The following PRKCA variants were observed in gnomAD, a reference collection of about 807,000 sequenced individuals.
PRKCA encodes protein kinase C alpha type.
PRKCA carries 27 observed loss-of-function variants against 87.0 expected under a neutral mutation model. The observed-to-expected ratio is 0.31, with a 90% CI of 0.23 to 0.43. The LOEUF is 0.43. Among genes scored for constraint, PRKCA ranks in the 20% least tolerant of loss-of-function variants. PRKCA has a pLI of 1.00. For synonymous variants in PRKCA, 329 were observed against 311.1 expected (o/e 1.06, Z -0.61); for missense variants, 518 against 852.3 (o/e 0.61, Z 4.88).
At chr17:66,790,794 T>G (rs985779834) in intron 16 of PRKCA, among the ~76,000 whole-genome samples, 4 of 151,992 alleles carry the variant, frequency 2.6e-5, no homozygotes, top group Non-Finnish European at 4.4e-5. Context: ...TTGCATAGTC[T>G]CCCACATTTT....
rs372941177 is a variant in PRKCA at position 66,509,525 on chromosome 17, T to C, written c.288+13242T>C. ...CTCTCTTACTTGGAGGGAGAGGCAG[T>C]CTTTTTGTTCCATTCAGGCCTTCAA... is the stretch of plus-strand genomic sequence containing the variant. On this transcript the variant is annotated intron_variant, in intron 3 of 16. Coordinates refer to ENST00000413366, the MANE Select transcript of PRKCA (RefSeq NM_002737.3). Among the ~76,000 whole-genome samples the C allele has an allele frequency of 7.2e-5, 11 of 152,276 alleles. No homozygotes were observed. In the East Asian group the frequency reaches 1.5e-3, roughly 21 times the overall value.
chr17:66,481,267 A>G (rs1005827556), intron 2 of PRKCA, among the ~76,000 whole-genome samples: 1 of 152,050 alleles, frequency 6.6e-6, no homozygotes, highest in Non-Finnish European at 1.5e-5. Context: ...GTTGATCTTT[A>G]CAACCACCAG....
intron 10 of PRKCA, among the ~76,000 whole-genome samples, chr17:66,736,106 T>C (rs1359038704): frequency 6.6e-6 from 1 of 151,658 alleles, no homozygotes; most frequent in East Asian, 2.0e-4. Flanking sequence ...GGTCTTAAAC[T>C]CCTGAGCTCA....
intron 13 of PRKCA, among the ~76,000 whole-genome samples, chr17:66,756,447 C>T (rs964006927): frequency 6.6e-6 from 1 of 152,188 alleles, no homozygotes; most frequent in Non-Finnish European, 1.5e-5. Context: ...GCACACTTCC[C>T]CTCTCCACAC....
At chr17:66,551,787 A>C (rs1263429933) in intron 3 of PRKCA, among the ~76,000 whole-genome samples, 1 of 152,278 alleles carries the variant, frequency 6.6e-6, no homozygotes, top group East Asian at 1.9e-4. Context: ...ATATATATAT[A>C]TGAGAGAGAG....
chr17:66,679,435 C>T (rs1567972154), intron 5 of PRKCA, among the ~76,000 whole-genome samples: 1 of 152,166 alleles, frequency 6.6e-6, no homozygotes, highest in East Asian at 1.9e-4. Flanking sequence ...CCCGCCTTGG[C>T]CTCCCAGAGT....
intron 5 of PRKCA, among the ~76,000 whole-genome samples, chr17:66,649,139 A>C (rs533400548): frequency 4.0e-5 from 6 of 151,864 alleles, no homozygotes; most frequent in African/African-American, 1.5e-4. Flanking sequence ...AGGTACCCGC[A>C]TTAGTTACTA....
chr17:66,343,701 TAG>T (rs982871455), intron 2 of PRKCA, among the ~76,000 whole-genome samples: 1 of 151,780 alleles, frequency 6.6e-6, no homozygotes, highest in Non-Finnish European at 1.5e-5. Flanking sequence ...AGTGGAAGAT[TAG>T]ATATAAAGGG....
At chr17:66,500,983 AATGG>A (rs561617217) in intron 3 of PRKCA, among the ~76,000 whole-genome samples, 1 of 151,774 alleles carries the variant, frequency 6.6e-6, no homozygotes, top group Admixed American at 6.6e-5. Context: ...TACCATGGAG[AATGG>A]TTAAGATGTC....
intron 3 of PRKCA, among the ~76,000 whole-genome samples, chr17:66,528,208 C>T (rs1045741249): frequency 4.6e-5 from 5 of 109,576 alleles, no homozygotes; most frequent in African/African-American, 7.5e-5. Flanking sequence ...ACAGAGCAAA[C>T]GAAACTCTGT....
chr17:66,757,716 A>AT (rs924447522), intron 13 of PRKCA, among the ~76,000 whole-genome samples: 12 of 151,972 alleles, frequency 7.9e-5, no homozygotes, highest in African/African-American at 2.4e-4. Flanking sequence ...TGTTAAAAGA[A>AT]TTTTTTTTGT....
intron 3 of PRKCA, among the ~76,000 whole-genome samples, chr17:66,587,709 GTA>G (rs1466275419): frequency 9.8e-6 from 1 of 102,204 alleles, no homozygotes; most frequent in African/African-American, 4.0e-5. Flanking sequence ...ACATATATAC[GTA>G]TATGTGTGTA....
chr17:66,665,385 C>T (rs534163124), intron 5 of PRKCA, among the ~76,000 whole-genome samples: 3 of 152,142 alleles, frequency 2.0e-5, no homozygotes, highest in Admixed American at 6.5e-5. Flanking sequence ...TTCTGGTATA[C>T]GCTGAGTCAC....
At position 66,393,667 on chromosome 17, in the gene PRKCA, C is replaced by T. The variant is rs576033211; in HGVS notation, c.205+87540C>T. On this transcript the variant is annotated intron_variant, in intron 2 of 16. Coordinates refer to ENST00000413366, the MANE Select transcript of PRKCA (RefSeq NM_002737.3). Reference sequence around the variant, plus strand: ...GTGTGTGTGTGTGTGTGTGTGTGTGCGCCGTCAAATGTTGGAGCTTCTGGG... The same window carrying T: ...GTGTGTGTGTGTGTGTGTGTGTGTGTGCCGTCAAATGTTGGAGCTTCTGGG... Among the ~76,000 whole-genome samples, 34 of 125,872 alleles carry T rather than the reference C, an allele frequency of 2.7e-4. No homozygotes were observed. In the South Asian group the frequency reaches 8.2e-3, roughly 30 times the overall value. 82.6% of individuals were successfully genotyped at this position (125,872 alleles called of 152,430 possible).
At chr17:66,753,874 C>T (rs1236504396) in intron 13 of PRKCA, among the ~76,000 whole-genome samples, 1 of 152,158 alleles carries the variant, frequency 6.6e-6, no homozygotes, top group Non-Finnish European at 1.5e-5. Flanking sequence ...CACCTTCATC[C>T]TGGACTTCCA....
rs62072406 is a variant in PRKCA, at chr17:66,699,636, A to G, written c.918+10589A>G. Reference sequence around the variant, plus strand: ...AAGGTCTCGCTCTGTTGCCCAGGCTAGAGTGCTGTAGCACAATCATAGCTC... The same window carrying G: ...AAGGTCTCGCTCTGTTGCCCAGGCTGGAGTGCTGTAGCACAATCATAGCTC... On this transcript the variant is annotated intron_variant, in intron 8 of 16. Coordinates refer to ENST00000413366, the MANE Select transcript of PRKCA (RefSeq NM_002737.3). Among the ~76,000 whole-genome samples the G allele has an allele frequency of 6.6e-3, 1,006 of 152,302 alleles. 6 individuals are homozygous for G. Among genetic ancestry groups the G allele is most frequent in the Non-Finnish European group, 0.011 (716 of 68,014 alleles).
intron 2 of PRKCA, among the ~76,000 whole-genome samples, chr17:66,445,646 C>CG (rs1913995489): frequency 2.0e-5 from 3 of 152,200 alleles, no homozygotes; most frequent in Non-Finnish European, 4.4e-5. Context: ...CCAGCCCTTA[C>CG]GGCCTTGCTG....
Position 66,473,492 on chromosome 17 carries a change from C to T in PRKCA, c.206-22709C>T, listed in dbSNP as rs537834583. On this transcript the variant is annotated intron_variant, in intron 2 of 16. Transcript: ENST00000413366. ...GAAGAGGGTGTCTTGCAGCCTAGACCCTCAGTTACCAGAGTCCCTCAGAAC... is the reference window on the plus strand; with the variant it reads ...GAAGAGGGTGTCTTGCAGCCTAGACTCTCAGTTACCAGAGTCCCTCAGAAC... 9.4e-4 allele frequency among the ~76,000 whole-genome samples: 143 copies of T among 152,294 alleles called. 1 individual carries two copies. The highest frequency in any genetic ancestry group is 3.4e-3 in the African/African-American group (141 of 41,568).
intron 5 of PRKCA, among the ~76,000 whole-genome samples, chr17:66,670,287 A>G (rs1306216333): frequency 6.6e-6 from 1 of 152,188 alleles, no homozygotes; most frequent in Non-Finnish European, 1.5e-5. Context: ...AATCAGTTGA[A>G]CCTGTTAATG....
Sources: gnomAD v4.1 joint callset for allele counts (sites outside exome capture counted in the v4.1 genomes callset) on GRCh38, gnomAD v4.1.1 for gene constraint, MANE v1.5 for transcripts, NCBI Gene and HGNC (gene_info 2026-07-23, HGNC 2026-07-21) for gene names.